Variants in DPP6 observed in about 807,000 individuals in gnomAD.
DPP6 encodes the protein A-type potassium channel modulatory protein DPP6.
A neutral mutation model predicts 122.6 loss-of-function variants in DPP6; 69 were observed. That is an observed-to-expected ratio of 0.56 (90% CI 0.46 to 0.69). The LOEUF is 0.69. Ranked by LOEUF, DPP6 falls within the 30% of genes least tolerant of loss-of-function variation. The pLI is 0.00. For synonymous variants in DPP6, 418 were observed against 433.1 expected, an observed-to-expected ratio of 0.97 and a Z score of 0.43; for missense variants, 928 against 1,116.9, an observed-to-expected ratio of 0.83 and a Z score of 2.41.
At chr7:154,273,387 G>C (rs1319160205) in intron 1 of DPP6, among the ~76,000 whole-genome samples, 2 of 152,172 alleles carry the variant, frequency 1.3e-5, no homozygotes, top group Admixed American at 1.3e-4. Context: ...CTGCGTTACA[G>C]CCAGCTCCCC....
the DPP6 span, among the ~76,000 whole-genome samples, chr7:153,846,139 T>G: frequency 3.3e-5 from 5 of 152,340 alleles, no homozygotes; most frequent in African/African-American, 1.2e-4. Flanking sequence ...GCCCCACATC[T>G]TCGTCAACAT....
intron 1 of DPP6, among the ~76,000 whole-genome samples, chr7:154,412,677 T>C (rs1205717737): frequency 1.3e-5 from 2 of 152,228 alleles, no homozygotes; most frequent in African/African-American, 4.8e-5. Flanking sequence ...AATATCTTTT[T>C]TTTTCAACTT....
intron 1 of DPP6, among the ~76,000 whole-genome samples, chr7:154,121,848 C>T (rs546732503): frequency 6.6e-6 from 1 of 152,142 alleles, no homozygotes; most frequent in Non-Finnish European, 1.5e-5. Context: ...CAATAACAAA[C>T]AAAAATTCTT....
chr7:154,499,423 C>A (rs1825033665), intron 3 of DPP6, among the ~76,000 whole-genome samples: 1 of 152,126 alleles, frequency 6.6e-6, no homozygotes. Flanking sequence ...AGTCTTAGAC[C>A]ATAGGTGTGC....
chr7:154,390,839 G>A (rs895692928), intron 1 of DPP6, among the ~76,000 whole-genome samples: 4 of 152,054 alleles, frequency 2.6e-5, no homozygotes, highest in Admixed American at 1.3e-4. Context: ...AGACCCTCCC[G>A]ACTACTCCTG....
chr7:154,054,988 G>A (rs2533725), intron 1 of DPP6, among the ~76,000 whole-genome samples: 1 of 151,932 alleles, frequency 6.6e-6, no homozygotes, highest in Non-Finnish European at 1.5e-5. Context: ...ATGATTCTCA[G>A]ATAAACACAG....
chr7:153,824,140 G>A, the DPP6 span, among the ~76,000 whole-genome samples: 2 of 152,178 alleles, frequency 1.3e-5, no homozygotes, highest in African/African-American at 4.8e-5. Context: ...CATAATCCCG[G>A]CACTTTGGGA....
chr7:154,681,600 G>C (rs1839284732), intron 7 of DPP6, among the ~76,000 whole-genome samples: 4 of 152,174 alleles, frequency 2.6e-5, no homozygotes, highest in Admixed American at 1.3e-4. Context: ...GGTAGGGCGG[G>C]GGAGGGCTGT....
At chr7:154,267,659 CAT>C (rs1384732761) in intron 1 of DPP6, among the ~76,000 whole-genome samples, 3 of 149,640 alleles carry the variant, frequency 2.0e-5, no homozygotes, top group African/African-American at 7.4e-5. Context: ...TGCACACATA[CAT>C]ATATATGTGT....
chr7:153,945,642 C>A (rs370103205), intron 1 of DPP6, among the ~76,000 whole-genome samples: 14 of 152,126 alleles, frequency 9.2e-5, no homozygotes, highest in African/African-American at 3.4e-4. Flanking sequence ...TCGTAATTCT[C>A]CTCTGAGGAT....
chr7:154,836,476 A>C (rs991544307), intron 16 of DPP6, among the ~76,000 whole-genome samples: 11 of 152,212 alleles, frequency 7.2e-5, no homozygotes, highest in Non-Finnish European at 1.3e-4. Flanking sequence ...GAGAGAAGTA[A>C]TTAAAATTGT....
At chr7:154,186,375 T>C (rs1342709829) in intron 1 of DPP6, among the ~76,000 whole-genome samples, 2 of 152,244 alleles carry the variant, frequency 1.3e-5, no homozygotes, top group Non-Finnish European at 2.9e-5. Context: ...GACTAGTTTT[T>C]ATTTTCTCTT....
intron 16 of DPP6, among the ~76,000 whole-genome samples, chr7:154,840,834 G>A (rs978111113): frequency 5.9e-5 from 9 of 152,152 alleles, no homozygotes; most frequent in Non-Finnish European, 8.8e-5. Context: ...AGAATGCGCC[G>A]CCAACTCTGA....
intron 17 of DPP6, among the ~76,000 whole-genome samples, chr7:154,861,275 A>ACACAT (rs1437161064): frequency 2.0e-5 from 3 of 152,202 alleles, no homozygotes; most frequent in Non-Finnish European, 4.4e-5. Flanking sequence ...TGTTTCCCCT[A>ACACAT]CACATTTTTA....
chr7:154,530,387 T>C (rs1313538444), intron 3 of DPP6, among the ~76,000 whole-genome samples: 1 of 151,616 alleles, frequency 6.6e-6, no homozygotes, highest in Non-Finnish European at 1.5e-5. Context: ...ACAAAACAGC[T>C]CAATCTAAAG....
intron 20 of DPP6, chr7:154,876,360 G>A (rs77230928): frequency 1.3e-5 from 7 of 559,760 alleles, no homozygotes; most frequent in African/African-American, 3.9e-5. Context: ...AGAAATTGCC[G>A]GTTGGGTTGG....
At chr7:154,614,217 T>C (rs987802852) in intron 5 of DPP6, among the ~76,000 whole-genome samples, 2 of 152,202 alleles carry the variant, frequency 1.3e-5, no homozygotes, top group African/African-American at 4.8e-5. Flanking sequence ...CAGGCTCACA[T>C]AGGGTTAGCT....
intron 1 of DPP6, among the ~76,000 whole-genome samples, chr7:154,228,820 G>A (rs780316320): frequency 7.2e-5 from 11 of 152,130 alleles, no homozygotes; most frequent in Non-Finnish European, 1.3e-4. Context: ...CATCCCTAAA[G>A]AACTGAGGGT....
At chr7:154,097,922 C>T (rs571353520) in intron 1 of DPP6, among the ~76,000 whole-genome samples, 11 of 152,294 alleles carry the variant, frequency 7.2e-5, no homozygotes, top group South Asian at 2.1e-4. Flanking sequence ...GAGACAGCAG[C>T]GTAGCCCCTT....
Sources: allele counts gnomAD v4.1 joint callset (sites outside exome capture counted in the v4.1 genomes callset), GRCh38; gene constraint gnomAD v4.1.1; transcripts MANE v1.5; gene names NCBI Gene and HGNC (gene_info 2026-07-23, HGNC 2026-07-21).